The following XKR6 variants were observed in gnomAD, a reference collection of about 807,000 sequenced individuals.
XKR6 encodes XK-related protein 6.
Under a neutral mutation model 56.7 loss-of-function variants are expected in XKR6, and 22 were observed. The observed-to-expected ratio is 0.39, with a 90% CI of 0.28 to 0.55. The LOEUF (loss-of-function observed/expected upper bound fraction) is 0.55. Ranked by LOEUF, XKR6 falls within the 20% of genes least tolerant of loss-of-function variation. The pLI, the probability that XKR6 is intolerant of heterozygous loss-of-function variation, is 0.66. For synonymous variants in XKR6, 524 were observed against 387.8 expected (o/e 1.35, Z -4.13); for missense variants, 852 against 889.0 (o/e 0.96, Z 0.53).
At chr8:11,044,835 G>T (rs1799368641) in intron 1 of XKR6, among the ~76,000 whole-genome samples, 2 of 151,948 alleles carry the variant, frequency 1.3e-5, no homozygotes, top group African/African-American at 2.4e-5. Context: ...GGGTAGGCTG[G>T]TCTTGAACTC....
intron 2 of XKR6, among the ~76,000 whole-genome samples, chr8:10,915,083 T>G (rs1047343250): frequency 2.0e-4 from 30 of 152,230 alleles, no homozygotes; most frequent in Non-Finnish European, 2.5e-4. Context: ...TCTGCCTCCC[T>G]TCCCTTCTCT....
At chr8:11,169,936 A>AAG (rs200943416) in intron 1 of XKR6, among the ~76,000 whole-genome samples, 4 of 151,484 alleles carry the variant, frequency 2.6e-5, no homozygotes, top group East Asian at 1.9e-4. Context: ...AAGTGGGGAA[A>AAG]AGAGAGAGAG....
chr8:11,156,820 C>G (rs1419782385), intron 1 of XKR6, among the ~76,000 whole-genome samples: 3 of 152,004 alleles, frequency 2.0e-5, no homozygotes, highest in Non-Finnish European at 4.4e-5. Context: ...CCCCACCCAC[C>G]ACAGACACAG....
At chr8:10,957,938 T>A (rs62490729) in intron 1 of XKR6, among the ~76,000 whole-genome samples, 2 of 150,800 alleles carry the variant, frequency 1.3e-5, no homozygotes, top group African/African-American at 4.9e-5. Flanking sequence ...AAAAAAAACT[T>A]GGTGTACTAT....
chr8:10,953,299 T>C (rs1027859878), intron 1 of XKR6, among the ~76,000 whole-genome samples: 3 of 151,980 alleles, frequency 2.0e-5, no homozygotes, highest in African/African-American at 7.3e-5. Flanking sequence ...CTCGAGAGAG[T>C]GAGTGAATTC....
intron 1 of XKR6, among the ~76,000 whole-genome samples, chr8:11,042,544 C>T (rs891254698): frequency 6.6e-6 from 1 of 152,192 alleles, no homozygotes; most frequent in Non-Finnish European, 1.5e-5. Flanking sequence ...GATTGTGAAG[C>T]CTCCCAGCCA....
intron 1 of XKR6, among the ~76,000 whole-genome samples, chr8:11,075,152 C>G (rs1800239123): frequency 1.3e-5 from 2 of 152,178 alleles, no homozygotes; most frequent in African/African-American, 4.8e-5. Context: ...AGCACAGGAA[C>G]CCTGCCATGG....
At chr8:11,113,053 C>A (rs549858092) in intron 1 of XKR6, among the ~76,000 whole-genome samples, 146 of 152,142 alleles carry the variant, frequency 9.6e-4, no homozygotes, top group Non-Finnish European at 1.8e-3. Context: ...AATTTGCCTT[C>A]TGTAGCACCC....
intron 1 of XKR6, among the ~76,000 whole-genome samples, chr8:11,103,072 G>C (rs888920826): frequency 6.6e-6 from 1 of 152,304 alleles, no homozygotes; most frequent in Non-Finnish European, 1.5e-5. Context: ...CATAACACTA[G>C]TGTAAGATGG....
At chr8:11,145,681 C>T (rs545600860) in intron 1 of XKR6, among the ~76,000 whole-genome samples, 26 of 152,270 alleles carry the variant, frequency 1.7e-4, no homozygotes, top group Admixed American at 5.2e-4. Context: ...AGAACTACAA[C>T]ATAATTGCTA....
intron 1 of XKR6, among the ~76,000 whole-genome samples, chr8:11,182,842 A>C (rs1052407304): frequency 6.6e-6 from 1 of 152,132 alleles, no homozygotes; most frequent in Admixed American, 6.5e-5. Context: ...GTAAAACTGG[A>C]ACTCTGTGCC....
At position 11,117,236 on chromosome 8, in the gene XKR6, C is replaced by T. The variant is rs1746597271; in HGVS notation, c.764+83340G>A. On this transcript the variant is annotated intron_variant, in intron 1 of 2. Transcript: ENST00000416569. ...TAGGGGTGAAACTGCAACCTGAACA[C>T]TGCAGTCCCCTCTTAGAAGTTTTCT... Among the ~76,000 whole-genome samples, 4 of 152,220 alleles carry T rather than the reference C, an allele frequency of 2.6e-5. No homozygotes were observed. The South Asian group carries it at 6.2e-4, about 24-fold the overall frequency.
rs183056660 is a variant in XKR6, at chr8:11,005,133, T to G, written c.765-80303A>C. Among the ~76,000 whole-genome samples the G allele has an allele frequency of 5.9e-5, 9 of 151,430 alleles. No individual in the cohort carries two copies. In the East Asian group the frequency reaches 1.4e-3, roughly 23 times the overall value. On this transcript the variant is annotated intron_variant, in intron 1 of 2. Transcript: ENST00000416569. ...AAGTTTTTTTCTCATACAGTCACATTGTATAGGGCAGGTAGTGTGTCCAGC... is the reference window on the plus strand; with the variant it reads ...AAGTTTTTTTCTCATACAGTCACATGGTATAGGGCAGGTAGTGTGTCCAGC...
chr8:11,147,441 A>ACTT (rs1801041742), intron 1 of XKR6, among the ~76,000 whole-genome samples: 2 of 151,582 alleles, frequency 1.3e-5, no homozygotes, highest in African/African-American at 4.8e-5. Context: ...TGAGGCAGGC[A>ACTT]GATCAAGAGA....
chr8:11,015,098 A>G (rs73541225), intron 1 of XKR6, among the ~76,000 whole-genome samples: 5,651 of 152,146 alleles, frequency 0.037, 359 homozygotes, highest in African/African-American at 0.13. Context: ...GGAAGCCGGG[A>G]CCTGGGTTGG....
At position 11,201,476 on chromosome 8, in the gene XKR6, G is replaced by C. The variant is rs1314889184; in HGVS notation, c.-137C>G. On this transcript the variant is annotated 5_prime_UTR_variant, in exon 1 of 3. Transcript: ENST00000416569. Reference sequence around the variant, plus strand: ...AGGAAGCGGGGGAGCAAACGAACGAGGGGGGAGTGGGCCAGGGAACCCCCT... The same window carrying C: ...AGGAAGCGGGGGAGCAAACGAACGACGGGGGAGTGGGCCAGGGAACCCCCT... The C allele has an allele frequency of 2.8e-5, 16 of 569,930 alleles. No homozygotes were observed. The highest frequency in any genetic ancestry group is 3.0e-5 in the Non-Finnish European group (10 of 328,076). The allele number at this position is 569,930 out of a possible 1,614,324, so 35.3% of individuals were successfully genotyped here.
At chr8:11,030,066 G>T (rs1042664726) in intron 1 of XKR6, among the ~76,000 whole-genome samples, 3 of 152,116 alleles carry the variant, frequency 2.0e-5, no homozygotes. Flanking sequence ...AGTGCACTCT[G>T]TTCTAGTATT....
chr8:11,084,246 A>G (rs552166378), intron 1 of XKR6, among the ~76,000 whole-genome samples: 42 of 152,366 alleles, frequency 2.8e-4, no homozygotes, highest in African/African-American at 1.0e-3. Flanking sequence ...TACCAAACCA[A>G]GAGAGTTGGA....
intron 1 of XKR6, among the ~76,000 whole-genome samples, chr8:11,047,972 G>C (rs1204038417): frequency 6.6e-6 from 1 of 152,058 alleles, no homozygotes. Flanking sequence ...TACCTGCTTT[G>C]CCAAGAAAAT....
Sources: allele counts gnomAD v4.1 joint callset (sites outside exome capture counted in the v4.1 genomes callset), GRCh38; gene constraint gnomAD v4.1.1; transcripts MANE v1.5; gene names NCBI Gene and HGNC (gene_info 2026-07-23, HGNC 2026-07-21).